Variants in SPAG16 observed in about 807,000 individuals in gnomAD.
SPAG16 encodes the protein sperm-associated antigen 16 protein.
SPAG16 carries 86 observed loss-of-function variants against 80.4 expected under a neutral mutation model. The observed-to-expected ratio is 1.07, with a 90% CI of 0.90 to 1.28. SPAG16 has a LOEUF of 1.28. Ranked by LOEUF, SPAG16 falls within the 50% of genes most tolerant of loss-of-function variation. The pLI, the probability that SPAG16 is intolerant of heterozygous loss-of-function variation, is 0.00. For synonymous variants in SPAG16, 294 were observed against 265.9 expected, an observed-to-expected ratio of 1.11 and a Z score of -1.03; for missense variants, 870 against 765.3, an observed-to-expected ratio of 1.14 and a Z score of -1.61.
chr2:214,274,382 A>G (rs1692286558), intron 15 of SPAG16, among the ~76,000 whole-genome samples: 2 of 152,190 alleles, frequency 1.3e-5, no homozygotes, highest in African/African-American at 4.8e-5. Flanking sequence ...CAGTTTTCAG[A>G]GGGAATGATT....
intron 14 of SPAG16, among the ~76,000 whole-genome samples, chr2:214,144,866 T>A (rs1003236944): frequency 1.3e-5 from 2 of 152,006 alleles, no homozygotes; most frequent in Non-Finnish European, 2.9e-5. Context: ...CAAACTACAA[T>A]CAAATTGGAC....
chr2:213,801,080 A>G (rs913621795), intron 10 of SPAG16, among the ~76,000 whole-genome samples: 2 of 152,220 alleles, frequency 1.3e-5, no homozygotes, highest in Non-Finnish European at 2.9e-5. Context: ...ATGTATATGG[A>G]TTAAAACAAA....
At chr2:213,694,050 AAAAAG>A (rs1484521657) in intron 10 of SPAG16, among the ~76,000 whole-genome samples, 1 of 151,938 alleles carries the variant, frequency 6.6e-6, no homozygotes, top group Non-Finnish European at 1.5e-5. Flanking sequence ...GACAAAAAAA[AAAAAG>A]AAAAAAGAGA....
chr2:213,508,489 G>A (rs546914977), intron 10 of SPAG16, among the ~76,000 whole-genome samples: 7 of 152,234 alleles, frequency 4.6e-5, no homozygotes, highest in South Asian at 2.1e-4. Context: ...GGAGAATGGC[G>A]TGAACCCGGG....
intron 9 of SPAG16, among the ~76,000 whole-genome samples, chr2:213,480,831 A>G (rs908450032): frequency 6.6e-6 from 1 of 152,236 alleles, no homozygotes; most frequent in African/African-American, 2.4e-5. Flanking sequence ...TACATATAAC[A>G]TGTAACTGAC....
At chr2:213,873,191 G>T (rs2076017481) in intron 11 of SPAG16, among the ~76,000 whole-genome samples, 2 of 151,910 alleles carry the variant, frequency 1.3e-5, no homozygotes, top group African/African-American at 4.8e-5. Flanking sequence ...CTGGTCTTGG[G>T]CTTTTCTTTG....
intron 10 of SPAG16, among the ~76,000 whole-genome samples, chr2:213,841,618 G>C (rs2125756257): frequency 6.6e-6 from 1 of 152,210 alleles, no homozygotes; most frequent in East Asian, 1.9e-4. Context: ...TCTGGTTTAA[G>C]ATAGATTTAT....
At chr2:213,764,423 T>TAAACTACA (rs1274074286) in intron 10 of SPAG16, among the ~76,000 whole-genome samples, 5 of 152,100 alleles carry the variant, frequency 3.3e-5, no homozygotes, top group African/African-American at 1.2e-4. Context: ...TGGATGAGAA[T>TAAACTACA]AAACTACAAA....
At chr2:213,638,546 A>C (rs577770931) in intron 10 of SPAG16, among the ~76,000 whole-genome samples, 1 of 152,038 alleles carries the variant, frequency 6.6e-6, no homozygotes, top group South Asian at 2.1e-4. Flanking sequence ...ATGTATTTTC[A>C]TGATTTTGAG....
chr2:214,144,580 A>G (rs1270537845), intron 14 of SPAG16, among the ~76,000 whole-genome samples: 1 of 152,274 alleles, frequency 6.6e-6, no homozygotes, highest in African/African-American at 2.4e-5. Context: ...AGTGTTTACA[A>G]CATTCTCATG....
At chr2:213,311,320 C>G (rs2063178186) in intron 4 of SPAG16, among the ~76,000 whole-genome samples, 2 of 151,508 alleles carry the variant, frequency 1.3e-5, no homozygotes. Flanking sequence ...ATTTACAGTG[C>G]TAATAAAGTG....
chr2:213,578,137 G>C (rs1416046427), intron 10 of SPAG16, among the ~76,000 whole-genome samples: 1 of 152,062 alleles, frequency 6.6e-6, no homozygotes, highest in Non-Finnish European at 1.5e-5. Context: ...TTGCAGACAA[G>C]TACCCGAAAC....
intron 10 of SPAG16, among the ~76,000 whole-genome samples, chr2:213,582,355 G>A (rs571522126): frequency 5.9e-5 from 9 of 152,200 alleles, no homozygotes; most frequent in South Asian, 4.1e-4. Flanking sequence ...AGGAATAAAA[G>A]TTATTTTTAA....
chr2:214,030,269 C>A lies in SPAG16; in HGVS notation c.1527+16192C>A, dbSNP rs146962687. ...TGGATTATTTCACTTAGCACAATGT[C>A]TTCCAGGTTCACCCATGTTGTCCCA... On this transcript the variant is annotated intron_variant, in intron 13 of 15. Coordinates refer to ENST00000331683, the MANE Select transcript of SPAG16 (RefSeq NM_024532.5). 4.5e-3 allele frequency among the ~76,000 whole-genome samples: 682 copies of A among 152,240 alleles called. 4 individuals carry two copies. The highest frequency in any genetic ancestry group is 0.016 in the African/African-American group (653 of 41,550).
At chr2:213,711,362 T>C (rs1422061680) in intron 10 of SPAG16, among the ~76,000 whole-genome samples, 2 of 152,078 alleles carry the variant, frequency 1.3e-5, no homozygotes, top group Non-Finnish European at 2.9e-5. Flanking sequence ...ACTACAAAAG[T>C]TATGCATGTT....
At chr2:213,438,605 A>G (rs557424970) in intron 9 of SPAG16, among the ~76,000 whole-genome samples, 2 of 152,238 alleles carry the variant, frequency 1.3e-5, no homozygotes, top group African/African-American at 2.4e-5. Context: ...GTAGAGTTCA[A>G]AGATGATCCC....
chr2:213,905,856 C>T (rs544295756), intron 11 of SPAG16, among the ~76,000 whole-genome samples: 31 of 152,112 alleles, frequency 2.0e-4, no homozygotes, highest in Non-Finnish European at 3.8e-4. Flanking sequence ...AAGTCATGGG[C>T]AAGCCATGGG....
intron 10 of SPAG16, among the ~76,000 whole-genome samples, chr2:213,657,328 A>G (rs1444181484): frequency 6.6e-6 from 1 of 152,150 alleles, no homozygotes; most frequent in East Asian, 1.9e-4. Context: ...CTTCTGTAAA[A>G]TGGGGATATA....
chr2:213,291,350 A>C (rs2062267304), intron 1 of SPAG16, among the ~76,000 whole-genome samples: 1 of 152,226 alleles, frequency 6.6e-6, no homozygotes, highest in Admixed American at 6.5e-5. Context: ...CATAAGTGTC[A>C]AAGTACATTT....
Sources: allele counts gnomAD v4.1 joint callset (sites outside exome capture counted in the v4.1 genomes callset), GRCh38; gene constraint gnomAD v4.1.1; transcripts MANE v1.5; gene names NCBI Gene and HGNC (gene_info 2026-07-23, HGNC 2026-07-21).